The following AOPEP variants were observed in gnomAD, a reference collection of about 807,000 sequenced individuals.
AOPEP encodes the protein aminopeptidase O.
AOPEP carries 77 observed loss-of-function variants against 98.1 expected under a neutral mutation model. The ratio of observed to expected loss-of-function variants is 0.78; its 90% CI spans 0.65 to 0.95. The LOEUF is 0.95. Among genes scored for constraint, AOPEP ranks in the 40% least tolerant of loss-of-function variants. The probability of loss-of-function intolerance (pLI) is 0.00; values close to 1 mark genes in which losing one functional copy is unlikely to be tolerated. For missense variants in AOPEP, 1,024 were observed against 1,024.7 expected, an observed-to-expected ratio of 1.00 and a Z score of 0.01; for synonymous variants, 346 against 365.3, an observed-to-expected ratio of 0.95 and a Z score of 0.60.
At chr9:94,943,940 A>AC (rs2057332978) in intron 7 of AOPEP, among the ~76,000 whole-genome samples, 1 of 151,156 alleles carries the variant, frequency 6.6e-6, no homozygotes, top group East Asian at 1.9e-4. Context: ...AAAAAAAAAA[A>AC]AAAAAAACAG....
rs185540384 is a variant in AOPEP at position 94,820,243 on chromosome 9, G to A, written c.1364+19241G>A. Reference sequence around the variant, plus strand: ...TTACAGGTGTGAGCCACCGCGCCTGGCCAGTGCAATTCTTTTATGTTTTTG... The same window carrying A: ...TTACAGGTGTGAGCCACCGCGCCTGACCAGTGCAATTCTTTTATGTTTTTG... On this transcript the variant is annotated intron_variant, in intron 5 of 16. Coordinates refer to ENST00000375315, the MANE Select transcript of AOPEP (RefSeq NM_001193329.3). Among the ~76,000 whole-genome samples, 9 of 152,220 alleles carry A rather than the reference G, an allele frequency of 5.9e-5. No homozygotes were observed. The East Asian group carries it at 1.7e-3, about 29-fold the overall frequency.
chr9:95,123,745 G>A, the AOPEP span: 3 of 694,832 alleles, frequency 4.3e-6, no homozygotes, highest in Non-Finnish European at 5.4e-6. Flanking sequence ...ATTACTGTCT[G>A]AGTTGTGCAA....
intron 13 of AOPEP, among the ~76,000 whole-genome samples, chr9:95,048,345 G>A (rs2066020026): frequency 6.6e-6 from 1 of 152,176 alleles, no homozygotes. Flanking sequence ...CGGCTGTGTT[G>A]GGGCTGGTTT....
chr9:95,120,416 CT>C, the AOPEP span, among the ~76,000 whole-genome samples: 4,705 of 138,278 alleles, frequency 0.034, 159 homozygotes, highest in African/African-American at 0.095. Flanking sequence ...CTTTTAAAAT[CT>C]TTTTTTTTTT....
intron 15 of AOPEP, among the ~76,000 whole-genome samples, chr9:95,082,034 G>A (rs2069854151): frequency 6.6e-6 from 1 of 152,010 alleles, no homozygotes; most frequent in Non-Finnish European, 1.5e-5. Context: ...TACGGTGCAG[G>A]GCTGTGGAGG....
At chr9:94,787,185 C>G (rs1844619242) in intron 3 of AOPEP, among the ~76,000 whole-genome samples, 1 of 152,180 alleles carries the variant, frequency 6.6e-6, no homozygotes, top group African/African-American at 2.4e-5. Context: ...CTATTGCTAT[C>G]TCACTCTCAA....
chr9:94,977,599 A>G (rs934981413), intron 10 of AOPEP, among the ~76,000 whole-genome samples: 4 of 152,094 alleles, frequency 2.6e-5, no homozygotes, highest in African/African-American at 9.7e-5. Context: ...TGCCTCCACC[A>G]CACACACACG....
intron 11 of AOPEP, among the ~76,000 whole-genome samples, chr9:94,994,436 A>G (rs2061094074): frequency 6.6e-6 from 1 of 152,194 alleles, no homozygotes; most frequent in South Asian, 2.1e-4. Flanking sequence ...TGCATTATAC[A>G]TAATAGCTAT....
intron 13 of AOPEP, among the ~76,000 whole-genome samples, chr9:95,034,855 C>T (rs2064644936): frequency 6.6e-6 from 1 of 152,110 alleles, no homozygotes; most frequent in Admixed American, 6.6e-5. Context: ...CCTCTAATCG[C>T]TGCATTGGAT....
intron 8 of AOPEP, 40 bp downstream of exon 8, chr9:94,955,319 C>T: frequency 7.5e-7 from 1 of 1,340,448 alleles, no homozygotes; most frequent in East Asian, 2.3e-5. Flanking sequence ...GATTGTGGTG[C>T]AGCACTTTTT....
At chr9:95,127,236 G>A in the AOPEP span, 1 of 152,852 alleles carries the variant, frequency 6.5e-6, no homozygotes, top group African/African-American at 2.4e-5. Context: ...CTGGGAGCTG[G>A]GGGGAGCTTC....
chr9:94,847,701 T>C (rs935235021), intron 5 of AOPEP, among the ~76,000 whole-genome samples: 4 of 152,096 alleles, frequency 2.6e-5, no homozygotes, highest in Admixed American at 6.5e-5. Context: ...GAAACAGATA[T>C]GAGTGGGAGA....
chr9:94,821,629 T>C, intron 5 of AOPEP, among the ~76,000 whole-genome samples: 1 of 152,196 alleles, frequency 6.6e-6, no homozygotes, highest in Admixed American at 6.5e-5. Context: ...TGCTGAAACC[T>C]TTTTTAAAGA....
intron 11 of AOPEP, among the ~76,000 whole-genome samples, chr9:94,996,375 TGTGTGTGTGTGTG>T (rs2061238990): frequency 6.6e-6 from 1 of 151,204 alleles, no homozygotes; most frequent in African/African-American, 2.5e-5. Flanking sequence ...TGTGTGTGTG[TGTGTGTGTGTGTG>T]TGTGAGAGAG....
intron 5 of AOPEP, chr9:94,900,973 A>G (rs12684461): frequency 0.032 from 4,882 of 152,298 alleles, 202 homozygotes; most frequent in African/African-American, 0.094. Flanking sequence ...TGCTTGGATC[A>G]GCCCACTTTC....
rs1042688908 is a variant in AOPEP, at chr9:94,971,245, C to T, written c.1916+3444C>T. On this transcript the variant is annotated intron_variant, in intron 10 of 16. Coordinates refer to ENST00000375315, the MANE Select transcript of AOPEP (RefSeq NM_001193329.3). ...TTAATGGTGGCCCCCAATCACCAAT[C>T]ACATGCCTTTTGATAGGATACCTCT... 3.3e-5 allele frequency among the ~76,000 whole-genome samples: 5 copies of T among 152,266 alleles called. No individual in the cohort carries two copies. In the South Asian group the frequency reaches 8.3e-4, roughly 25 times the overall value.
At chr9:95,071,985 A>C (rs1564603246) in intron 14 of AOPEP, among the ~76,000 whole-genome samples, 1 of 152,140 alleles carries the variant, frequency 6.6e-6, no homozygotes, top group Non-Finnish European at 1.5e-5. Flanking sequence ...AGTCGTGCTA[A>C]AGCTGGCCCA....
the AOPEP span, among the ~76,000 whole-genome samples, chr9:95,141,879 A>C: frequency 6.6e-6 from 1 of 151,824 alleles, no homozygotes; most frequent in Non-Finnish European, 1.5e-5. Context: ...AGTGATTGTT[A>C]GGGGGAAAAA....
rs148889854 is a variant in AOPEP at position 94,930,855 on chromosome 9, C to T, written c.1661+2324C>T. Among the ~76,000 whole-genome samples the T allele has an allele frequency of 8.5e-5, 13 of 152,088 alleles. No homozygotes were observed. The highest frequency in any genetic ancestry group is 8.3e-4 in the South Asian group (4 of 4,808). On this transcript the variant is annotated intron_variant, in intron 7 of 16. Transcript: ENST00000375315. The surrounding 1 kb of genome is among the most constrained non-coding windows in gnomAD (Gnocchi z 4.5). ...AGAGGGGGTGTGTTGGCCCAGGAAG[C>T]GAGACTGGGAAGGTAGCAGAGGGAC...
Sources: allele counts gnomAD v4.1 joint callset (sites outside exome capture counted in the v4.1 genomes callset), GRCh38; gene constraint gnomAD v4.1.1; non-coding constraint Gnocchi (gnomAD v3.1); transcripts MANE v1.5; gene names NCBI Gene and HGNC (gene_info 2026-07-23, HGNC 2026-07-21).